The following RNLS variants were observed in gnomAD, a reference collection of about 807,000 sequenced individuals.
RNLS encodes renalase, FAD dependent amine oxidase, also known as renalase.
Under a neutral mutation model 39.8 loss-of-function variants are expected in RNLS, and 39 were observed. That is an observed-to-expected ratio of 0.98 (90% CI 0.76 to 1.28). The LOEUF is 1.28. Among genes scored for constraint, RNLS ranks in the 50% most tolerant of loss-of-function variants. The probability of loss-of-function intolerance (pLI) is 0.00; values close to 1 mark genes in which losing one functional copy is unlikely to be tolerated. For synonymous variants in RNLS, 147 were observed against 150.7 expected, an observed-to-expected ratio of 0.98 and a Z score of 0.18; for missense variants, 410 against 413.3, an observed-to-expected ratio of 0.99 and a Z score of 0.07.
At chr10:88,213,037 G>A in the RNLS span, among the ~76,000 whole-genome samples, 1 of 152,192 alleles carries the variant, frequency 6.6e-6, no homozygotes, top group South Asian at 2.1e-4. Context: ...TCATTTCACA[G>A]CTCTCAGCCC....
chr10:88,298,892 C>T (rs928548861), intron 6 of RNLS, among the ~76,000 whole-genome samples: 5 of 152,158 alleles, frequency 3.3e-5, no homozygotes, highest in African/African-American at 9.7e-5. Flanking sequence ...TGAAACGAGT[C>T]TGTAGATCAC....
the RNLS span, among the ~76,000 whole-genome samples, chr10:88,217,117 TAAAC>T: frequency 1.3e-5 from 2 of 152,132 alleles, no homozygotes; most frequent in African/African-American, 4.8e-5. Context: ...GGGTGGTTAT[TAAAC>T]AAGCCTTTAG....
At chr10:88,202,341 T>G in the RNLS span, among the ~76,000 whole-genome samples, 1 of 151,572 alleles carries the variant, frequency 6.6e-6, no homozygotes, top group Non-Finnish European at 1.5e-5. Context: ...GAGATATACC[T>G]AATGTTAAAT....
intron 4 of RNLS, among the ~76,000 whole-genome samples, chr10:88,470,078 A>G (rs543133217): frequency 6.6e-6 from 1 of 152,118 alleles, no homozygotes; most frequent in South Asian, 2.1e-4. Flanking sequence ...ATAGTTTCTT[A>G]TTGCCCAAAG....
intron 5 of RNLS, among the ~76,000 whole-genome samples, chr10:88,329,089 T>A (rs995004106): frequency 6.6e-6 from 1 of 151,878 alleles, no homozygotes; most frequent in African/African-American, 2.4e-5. Context: ...TTTTTCTTTT[T>A]TTTTTTTTGC....
At chr10:88,204,196 T>C in the RNLS span, among the ~76,000 whole-genome samples, 1 of 152,052 alleles carries the variant, frequency 6.6e-6, no homozygotes, top group South Asian at 2.1e-4. Context: ...TTTCTTATAG[T>C]GATTTATGAG....
At chr10:88,280,651 A>G (rs577051985), downstream of RNLS, among the ~76,000 whole-genome samples, 1 of 152,272 alleles carries the variant, frequency 6.6e-6, no homozygotes, top group East Asian at 1.9e-4. Context: ...GTAGTGCAAA[A>G]CAGTCACAGG....
chr10:88,537,839 A>G (rs1847847210), intron 4 of RNLS, among the ~76,000 whole-genome samples: 1 of 152,144 alleles, frequency 6.6e-6, no homozygotes, highest in Non-Finnish European at 1.5e-5. Flanking sequence ...TGTGTACTTA[A>G]TATGGTTGTG....
intron 4 of RNLS, among the ~76,000 whole-genome samples, chr10:88,507,682 C>T (rs180831920): frequency 6.6e-6 from 1 of 152,228 alleles, no homozygotes; most frequent in East Asian, 1.9e-4. Flanking sequence ...AGATACAATA[C>T]ATTATAATTT....
In RNLS at chr10:88,371,264, C is replaced by T. The variant is rs531466349; in HGVS notation, c.527-8539G>A. 8.5e-5 allele frequency among the ~76,000 whole-genome samples: 13 copies of T among 152,080 alleles called. No homozygotes were observed. The South Asian group carries it at 2.7e-3, about 32-fold the overall frequency. ...GTGTATTGCAAAAATCCAACATGAC[C>T]GTACTTGATTTTAAAAGCCTTCAGG... is the stretch of plus-strand genomic sequence containing the variant. On this transcript the variant is annotated intron_variant, in intron 4 of 6. Transcript: ENST00000331772.
At chr10:88,423,612 A>G (rs1854537541) in intron 4 of RNLS, among the ~76,000 whole-genome samples, 1 of 152,206 alleles carries the variant, frequency 6.6e-6, no homozygotes, top group African/African-American at 2.4e-5. Context: ...TCAGATTTCA[A>G]ACTGAGGCTT....
intron 4 of RNLS, among the ~76,000 whole-genome samples, chr10:88,420,011 AAAATAAAT>A (rs57637078): frequency 0.014 from 1,928 of 134,766 alleles, 14 homozygotes; most frequent in African/African-American, 0.017. Flanking sequence ...ACTCCATCTC[AAAATAAAT>A]AAATAAATAA....
intron 4 of RNLS, among the ~76,000 whole-genome samples, chr10:88,381,263 A>G (rs1019736637): frequency 6.6e-6 from 1 of 152,146 alleles, no homozygotes; most frequent in African/African-American, 2.4e-5. Flanking sequence ...GTATATTAAC[A>G]TGGTATATTT....
the RNLS span, among the ~76,000 whole-genome samples, chr10:88,239,636 G>T: frequency 3.9e-5 from 6 of 152,224 alleles, no homozygotes; most frequent in Admixed American, 1.3e-4. Context: ...TACCACTTTG[G>T]TAGTGGCCTT....
At position 88,285,509 on chromosome 10, in the gene RNLS, GA is replaced by G. The variant is rs1169328555; in HGVS notation, c.877-4del. On this transcript the variant is annotated splice_region_variant and splice_polypyrimidine_tract_variant and intron_variant, in intron 6 of 6. Coordinates refer to ENST00000331772, the MANE Select transcript of RNLS (RefSeq NM_001031709.3). The stretch of plus-strand genomic sequence containing the variant: ...CAGTTGGCAGCAGCATTTGTAACCT[GA>G]AAAAGTAAAAAGAGGATTGCAATTG... 1.2e-6 allele frequency: 2 copies of G among 1,611,856 alleles called. No homozygotes were observed. Among genetic ancestry groups the G allele is most frequent in the African/African-American group, 2.7e-5 (2 of 74,756 alleles).
rs773563948 is a variant in RNLS, at chr10:88,358,682, G to A, written c.700+3870C>T. ...TTCATAACTATTGTTACTTGAAGTC[G>A]GTCTAGTACATCTTGGAATCTACTC... On this transcript the variant is annotated intron_variant, in intron 5 of 6. Transcript: ENST00000331772. Among the ~76,000 whole-genome samples the A allele has an allele frequency of 5.3e-5, 8 of 152,106 alleles. No individual in the cohort carries two copies. In the South Asian group the frequency reaches 6.2e-4, roughly 12 times the overall value.
At chr10:88,254,999 C>A in the RNLS span, among the ~76,000 whole-genome samples, 1 of 152,330 alleles carries the variant, frequency 6.6e-6, no homozygotes, top group East Asian at 1.9e-4. Flanking sequence ...TCCTGCTTAA[C>A]CCCCGTCAAG....
chr10:88,501,591 G>T (rs911825129), intron 4 of RNLS, among the ~76,000 whole-genome samples: 10 of 152,058 alleles, frequency 6.6e-5, no homozygotes, highest in Admixed American at 5.9e-4. Context: ...TTCCTCTAAG[G>T]TCTACGGATA....
At chr10:88,237,245 CCTT>C in the RNLS span, among the ~76,000 whole-genome samples, 2 of 123,440 alleles carry the variant, frequency 1.6e-5, no homozygotes, top group South Asian at 5.5e-4. Context: ...TCCCTCCCTT[CCTT>C]CCTTCCCTCC....
Sources: allele counts gnomAD v4.1 joint callset (sites outside exome capture counted in the v4.1 genomes callset), GRCh38; gene constraint gnomAD v4.1.1; transcripts MANE v1.5; gene names NCBI Gene and HGNC (gene_info 2026-07-23, HGNC 2026-07-21).